The following NEURL1 variants were observed in gnomAD, a reference collection of about 807,000 sequenced individuals.
NEURL1 encodes neuralized E3 ubiquitin protein ligase 1.
Under a neutral mutation model 41.2 loss-of-function variants are expected in NEURL1, and 26 were observed. That is an observed-to-expected ratio of 0.63 (90% CI 0.46 to 0.87). The LOEUF is 0.87. Among genes scored for constraint, NEURL1 ranks in the 40% least tolerant of loss-of-function variants. The pLI is 0.00. For synonymous variants in NEURL1, 400 were observed against 402.3 expected (o/e 0.99, Z 0.07); for missense variants, 761 against 871.1 (o/e 0.87, Z 1.59).
At chr10:103,505,545 T>C (rs2033927448) in intron 1 of NEURL1, among the ~76,000 whole-genome samples, 1 of 152,042 alleles carries the variant, frequency 6.6e-6, no homozygotes, top group South Asian at 2.1e-4. Flanking sequence ...TTTTAATTTT[T>C]GTAGAGACAG....
At chr10:103,527,649 T>C (rs2034488576) in intron 1 of NEURL1, among the ~76,000 whole-genome samples, 1 of 152,154 alleles carries the variant, frequency 6.6e-6, no homozygotes, top group Non-Finnish European at 1.5e-5. Flanking sequence ...TGTGATTCCC[T>C]ATCTCATCCT....
At position 103,556,399 on chromosome 10, in the gene NEURL1, A is replaced by G. The variant is rs755929369; in HGVS notation, c.86-14473A>G. Among the ~76,000 whole-genome samples, 1 of 152,058 alleles carries G rather than the reference A, an allele frequency of 6.6e-6. No homozygotes were observed. The highest frequency in any genetic ancestry group is 1.5e-5 in the Non-Finnish European group (1 of 68,004). Reference sequence around the variant, plus strand: ...TGGGGAGTCCCTGACGCACTCCCCTATGTACCCTGCTCCCTGCTTGGATGG... The same window carrying G: ...TGGGGAGTCCCTGACGCACTCCCCTGTGTACCCTGCTCCCTGCTTGGATGG... On this transcript the variant is annotated intron_variant, in intron 1 of 5. Coordinates refer to ENST00000369780, the MANE Select transcript of NEURL1 (RefSeq NM_004210.5). This position sits in a 1 kb window ranked among gnomAD's most constrained non-coding sequence, Gnocchi z 4.4.
chr10:103,506,169 CT>C (rs2033942396), intron 1 of NEURL1, among the ~76,000 whole-genome samples: 1 of 152,192 alleles, frequency 6.6e-6, no homozygotes, highest in South Asian at 2.1e-4. Context: ...GGTCCACATG[CT>C]CTTGGCTTTC....
In NEURL1 at chr10:103,494,210, G is replaced by A. The variant is rs2133839919; in HGVS notation, c.-178G>A. ...ACCCGTGGCGGGCGGAACCCGCCAAGGACCGCGAAGTCCAGAGAAAGGAAG... is the reference window on the plus strand; with the variant it reads ...ACCCGTGGCGGGCGGAACCCGCCAAAGACCGCGAAGTCCAGAGAAAGGAAG... On this transcript the variant is annotated 5_prime_UTR_variant, in exon 1 of 6. Coordinates refer to ENST00000369780, the MANE Select transcript of NEURL1 (RefSeq NM_004210.5). 1 of 525,098 alleles carries A rather than the reference G, an allele frequency of 1.9e-6. No individual in the cohort carries two copies. Among genetic ancestry groups the A allele is most frequent in the Non-Finnish European group, 3.3e-6 (1 of 302,150 alleles). The allele number at this position is 525,098 out of a possible 1,614,324, so 32.5% of individuals were successfully genotyped here. A position where few individuals can be genotyped will look rare whatever the true frequency, so the allele number is the denominator to read the frequency against.
intron 1 of NEURL1, among the ~76,000 whole-genome samples, chr10:103,565,878 C>T (rs1329156426): frequency 6.6e-6 from 1 of 152,068 alleles, no homozygotes; most frequent in African/African-American, 2.4e-5. Context: ...GTCTCGAACT[C>T]CTGGGCTCAT....
At chr10:103,501,553 G>A (rs1280100222) in intron 1 of NEURL1, among the ~76,000 whole-genome samples, 2 of 152,070 alleles carry the variant, frequency 1.3e-5, no homozygotes, top group Non-Finnish European at 1.5e-5. Context: ...GATGCTAGGT[G>A]TATTCATGTA....
intron 1 of NEURL1, among the ~76,000 whole-genome samples, chr10:103,552,831 G>C (rs761880497): frequency 7.9e-5 from 12 of 151,038 alleles, no homozygotes; most frequent in Non-Finnish European, 1.2e-4. Context: ...ATAGGACCGA[G>C]TAGGGTAAGT....
intron 1 of NEURL1, among the ~76,000 whole-genome samples, chr10:103,495,712 C>T (rs1185730640): frequency 6.6e-6 from 1 of 152,246 alleles, no homozygotes; most frequent in African/African-American, 2.4e-5. Context: ...AATACTCCAG[C>T]TCTTTCAGAA....
intron 4 of NEURL1, 150 bp from the exon 5 acceptor site, chr10:103,589,364 T>C (rs2035989340): frequency 1.3e-6 from 1 of 782,940 alleles, no homozygotes; most frequent in Non-Finnish European, 2.0e-6. Context: ...TAATATCAAA[T>C]GATCCCCGCG....
At chr10:103,544,985 C>T (rs1441283182) in intron 1 of NEURL1, among the ~76,000 whole-genome samples, 8 of 152,212 alleles carry the variant, frequency 5.3e-5, no homozygotes, top group Admixed American at 5.2e-4. Context: ...TTTGCTTTCT[C>T]AATGATGACC....
chr10:103,516,704 C>T (rs976370221), intron 1 of NEURL1, among the ~76,000 whole-genome samples: 1 of 152,118 alleles, frequency 6.6e-6, no homozygotes, highest in Admixed American at 6.5e-5. Context: ...TGGCACAGTG[C>T]AGTGGTTCTC....
intron 1 of NEURL1, 37 bp from the exon 2 acceptor site, chr10:103,570,835 G>T (rs758322388): frequency 3.1e-6 from 5 of 1,592,560 alleles, no homozygotes; most frequent in Non-Finnish European, 4.3e-6. Flanking sequence ...TCTTGGACCC[G>T]CCAAGTTCTC....
chr10:103,576,755 A>G (rs987064359), intron 3 of NEURL1, among the ~76,000 whole-genome samples: 4 of 152,042 alleles, frequency 2.6e-5, no homozygotes, highest in African/African-American at 9.7e-5. Context: ...TATGCATTCT[A>G]TTCCATCCCT....
rs1477595974 is a variant in NEURL1 at position 103,585,089 on chromosome 10, G to C, written c.1203G>C (p.Leu401=). The change falls in exon 4 of 6, where the codon CTG becomes CTC. Residue 401 remains leucine (L), a synonymous_variant. Coordinates refer to ENST00000369780, the MANE Select transcript of NEURL1 (RefSeq NM_004210.5). ...TGCACAGCGGCGACATCCTGGGCCT[G>C]GTGGTCAACGCCGACGGCGAGCTGC... is the stretch of plus-strand genomic sequence containing the variant. ...GPLHSGDILG[L]VVNADGELHL... is the part of the protein sequence containing the mutation. 3 of 1,590,582 alleles carry C rather than the reference G, an allele frequency of 1.9e-6. No individual in the cohort carries two copies. Among genetic ancestry groups the C allele is most frequent in the South Asian group, 2.2e-5 (2 of 89,448 alleles).
At chr10:103,519,226 A>G (rs1017781105) in intron 1 of NEURL1, among the ~76,000 whole-genome samples, 1 of 152,158 alleles carries the variant, frequency 6.6e-6, no homozygotes, top group African/African-American at 2.4e-5. Context: ...CAGCCTAGGC[A>G]ACAGAGCAAG....
At position 103,556,519 on chromosome 10, in the gene NEURL1, G is replaced by C. The variant is rs2035158815; in HGVS notation, c.86-14353G>C. 6.6e-6 allele frequency among the ~76,000 whole-genome samples: 1 copy of C among 152,170 alleles called. No homozygotes were observed. The highest frequency in any genetic ancestry group is 1.9e-4 in the East Asian group (1 of 5,184). On this transcript the variant is annotated intron_variant, in intron 1 of 5. Transcript: ENST00000369780. The surrounding 1 kb of genome is among the most constrained non-coding windows in gnomAD (Gnocchi z 4.4). ...GGAAGGAAGGAGGGTGGTGGCAGGA[G>C]CGCATGGGCAGCCGCAGCCGGAACT...
intron 1 of NEURL1, among the ~76,000 whole-genome samples, chr10:103,530,600 G>A (rs933210720): frequency 1.3e-5 from 2 of 151,598 alleles, no homozygotes; most frequent in Admixed American, 1.3e-4. Flanking sequence ...GAGTGCAGTG[G>A]CACGATTTGG....
chr10:103,513,194 CA>C (rs1039354659), intron 1 of NEURL1, among the ~76,000 whole-genome samples: 2 of 152,318 alleles, frequency 1.3e-5, no homozygotes, highest in South Asian at 2.1e-4. Flanking sequence ...CGGGAGGCCT[CA>C]GGGGAGCACT....
In NEURL1 at chr10:103,503,289, G is replaced by A. The variant is rs11816957; in HGVS notation, c.85+8817G>A. On this transcript the variant is annotated intron_variant, in intron 1 of 5. Transcript: ENST00000369780. The stretch of plus-strand genomic sequence containing the variant: ...AGATGCTTATCAGGAGTCATCCCCC[G>A]GATGGCTTTGGGAAATGAGCAGGTG... 7.9e-3 allele frequency among the ~76,000 whole-genome samples: 1,198 copies of A among 152,308 alleles called. 11 individuals carry two copies. Among genetic ancestry groups the A allele is most frequent in the African/African-American group, 0.027 (1,125 of 41,556 alleles).
Sources: allele counts gnomAD v4.1 joint callset (sites outside exome capture counted in the v4.1 genomes callset), GRCh38; gene constraint gnomAD v4.1.1; non-coding constraint Gnocchi (gnomAD v3.1); transcripts MANE v1.5; gene names NCBI Gene and HGNC (gene_info 2026-07-23, HGNC 2026-07-21).